Variants in ACOXL observed in about 807,000 individuals in gnomAD.
The protein encoded by ACOXL is acyl-CoA oxidase like, also known as acyl-coenzyme A oxidase-like protein.
Under a neutral mutation model 71.9 loss-of-function variants are expected in ACOXL, and 70 were observed. The observed-to-expected ratio is 0.97, with a 90% CI of 0.80 to 1.19. The LOEUF (loss-of-function observed/expected upper bound fraction) is 1.19. Ranked by LOEUF, ACOXL falls within the 50% of genes most tolerant of loss-of-function variation. ACOXL has a pLI of 0.00. For synonymous variants in ACOXL, 253 were observed against 281.6 expected (o/e 0.90, Z 1.02); for missense variants, 703 against 736.3 (o/e 0.95, Z 0.52).
chr2:111,088,177 G>A (rs904919935), intron 16 of ACOXL, among the ~76,000 whole-genome samples: 2 of 152,172 alleles, frequency 1.3e-5, no homozygotes, highest in African/African-American at 4.8e-5. Context: ...AAAAGGGAAC[G>A]CCTATGTACT....
intron 2 of ACOXL, among the ~76,000 whole-genome samples, chr2:110,774,144 G>T (rs1036724056): frequency 6.6e-6 from 1 of 152,088 alleles, no homozygotes; most frequent in East Asian, 1.9e-4. Flanking sequence ...AGTCCCTTCC[G>T]TGTGCCAGGT....
At chr2:110,736,761 A>T (rs1028187421) in intron 1 of ACOXL, among the ~76,000 whole-genome samples, 3 of 152,048 alleles carry the variant, frequency 2.0e-5, no homozygotes, top group Non-Finnish European at 2.9e-5. Flanking sequence ...CTGGGACTAC[A>T]GGCACCCACC....
At chr2:110,933,953 G>C (rs3761708) in intron 12 of ACOXL, among the ~76,000 whole-genome samples, 20,961 of 152,184 alleles carry the variant, frequency 0.14, 1,611 homozygotes, top group South Asian at 0.23. Flanking sequence ...GATGATCAAA[G>C]CTCTGCTCCA....
chr2:111,018,684 G>C (rs1032763533), intron 14 of ACOXL, among the ~76,000 whole-genome samples: 2 of 147,814 alleles, frequency 1.4e-5, no homozygotes, highest in African/African-American at 5.2e-5. Flanking sequence ...GATGCAGCCC[G>C]AGCTTGGGTG....
At chr2:110,975,478 T>G (rs537932697) in intron 12 of ACOXL, among the ~76,000 whole-genome samples, 2 of 152,124 alleles carry the variant, frequency 1.3e-5, no homozygotes, top group Non-Finnish European at 2.9e-5. Flanking sequence ...TCAAAACACT[T>G]CACCCCTAAG....
At chr2:110,753,857 C>T (rs577855927) in intron 1 of ACOXL, among the ~76,000 whole-genome samples, 1 of 152,216 alleles carries the variant, frequency 6.6e-6, no homozygotes, top group South Asian at 2.1e-4. Flanking sequence ...GTTATAATTG[C>T]TCCACGTCTT....
chr2:110,870,788 T>G (rs1695180217), intron 10 of ACOXL, among the ~76,000 whole-genome samples: 1 of 152,228 alleles, frequency 6.6e-6, no homozygotes. Flanking sequence ...ATCAGTTTCC[T>G]GTCTCAGGGT....
At chr2:110,952,610 C>G (rs1187663715) in intron 12 of ACOXL, among the ~76,000 whole-genome samples, 2 of 152,026 alleles carry the variant, frequency 1.3e-5, no homozygotes, top group East Asian at 3.9e-4. Flanking sequence ...TCATGCCCAG[C>G]TAATTTTTAA....
At chr2:110,735,001 G>T (rs1368921587) in intron 1 of ACOXL, among the ~76,000 whole-genome samples, 1 of 152,160 alleles carries the variant, frequency 6.6e-6, no homozygotes, top group Non-Finnish European at 1.5e-5. Context: ...GTTGTGGTGG[G>T]ATACCAAAAC....
intron 10 of ACOXL, among the ~76,000 whole-genome samples, chr2:110,896,959 G>A (rs1277063080): frequency 6.6e-6 from 1 of 151,614 alleles, no homozygotes; most frequent in Non-Finnish European, 1.5e-5. Flanking sequence ...ACATTACCAA[G>A]ATACACCATA....
At chr2:110,968,682 C>G in intron 12 of ACOXL, 1 of 1,154,472 alleles carries the variant, frequency 8.7e-7, no homozygotes, top group Non-Finnish European at 1.2e-6. Context: ...CAAAAGAAGG[C>G]AAGCTTCCTC....
chr2:110,816,494 C>T (rs1687937040), intron 9 of ACOXL, among the ~76,000 whole-genome samples: 1 of 152,152 alleles, frequency 6.6e-6, no homozygotes, highest in Non-Finnish European at 1.5e-5. Context: ...GACTTGTGCA[C>T]CCCAGGGTAT....
chr2:110,948,582 G>A (rs777308233), intron 12 of ACOXL, among the ~76,000 whole-genome samples: 5 of 151,658 alleles, frequency 3.3e-5, no homozygotes, highest in Non-Finnish European at 5.9e-5. Flanking sequence ...TGTGGCCTCT[G>A]TTCCTGCTTG....
intron 10 of ACOXL, among the ~76,000 whole-genome samples, chr2:110,893,349 T>A (rs528009202): frequency 2.0e-5 from 3 of 147,490 alleles, no homozygotes; most frequent in East Asian, 3.9e-4. Context: ...ATAATTAATA[T>A]GCATATAAGA....
In ACOXL at chr2:111,088,761, A is replaced by G. The variant is rs77555488; in HGVS notation, c.1441-4104A>G. The stretch of plus-strand genomic sequence containing the variant: ...TCAGTTGAACTATACTCACACATAT[A>G]GCCCTGAACCTAAAATAAAAGTTAA... On this transcript the variant is annotated intron_variant, in intron 16 of 17. Transcript: ENST00000439055. 5.1e-3 allele frequency among the ~76,000 whole-genome samples: 783 copies of G among 152,316 alleles called. 12 individuals carry two copies. The highest frequency in any genetic ancestry group is 0.047 in the East Asian group (242 of 5,188).
rs185212619 is a variant in ACOXL, at chr2:110,867,578, A to G, written c.788+26173A>G. Among the ~76,000 whole-genome samples the G allele has an allele frequency of 4.3e-4, 66 of 152,296 alleles. 1 individual carries two copies. The highest frequency in any genetic ancestry group is 1.6e-3 in the African/African-American group (65 of 41,554). ...TTGCATGATGAATAATCGGTCTGAA[A>G]GGAAACAAAGTCCTGTTTGGACAGG... is the stretch of plus-strand genomic sequence containing the variant. On this transcript the variant is annotated intron_variant, in intron 10 of 17. Transcript: ENST00000439055.
intron 10 of ACOXL, among the ~76,000 whole-genome samples, chr2:110,873,570 G>T (rs1369350427): frequency 6.6e-6 from 1 of 152,198 alleles, no homozygotes; most frequent in Non-Finnish European, 1.5e-5. Flanking sequence ...TGGGTGGGAA[G>T]GGGGCTGCAA....
At chr2:110,956,907 A>G (rs1004632751) in intron 12 of ACOXL, among the ~76,000 whole-genome samples, 1 of 152,144 alleles carries the variant, frequency 6.6e-6, no homozygotes, top group Non-Finnish European at 1.5e-5. Flanking sequence ...GACACTCACA[A>G]TAGTTGCTAA....
At position 110,938,851 on chromosome 2, in the gene ACOXL, TA is replaced by T. The variant is rs1026489146; in HGVS notation, c.1059+5216del. Among the ~76,000 whole-genome samples the T allele has an allele frequency of 2.6e-4, 38 of 144,894 alleles. 1 individual carries two copies. The South Asian group carries it at 3.4e-3, about 13-fold the overall frequency. On this transcript the variant is annotated intron_variant, in intron 12 of 17. Transcript: ENST00000439055. ...TTTACCCTGAACACTTTTTTTTTTT[TA>T]AAAAAACATGATTTTATTGTTACTT... is the stretch of plus-strand genomic sequence containing the variant.
Sources: allele counts gnomAD v4.1 joint callset (sites outside exome capture counted in the v4.1 genomes callset), GRCh38; gene constraint gnomAD v4.1.1; transcripts MANE v1.5; gene names NCBI Gene and HGNC (gene_info 2026-07-23, HGNC 2026-07-21).